The following NRCAM variants were observed in gnomAD, a reference collection of about 807,000 sequenced individuals.
NRCAM encodes the protein neuronal cell adhesion molecule, also known as NgCAM-related cell adhesion molecule.
Under a neutral mutation model 156.5 loss-of-function variants are expected in NRCAM, and 83 were observed. That is an observed-to-expected ratio of 0.53 (90% confidence interval 0.44 to 0.64). The LOEUF (loss-of-function observed/expected upper bound fraction) is 0.64, where lower values mean the gene tolerates loss of function less well. Ranked by LOEUF, NRCAM falls within the 30% of genes least tolerant of loss-of-function variation. The pLI, the probability that NRCAM is intolerant of heterozygous loss-of-function variation, is 0.00. For missense variants in NRCAM, 1,417 were observed against 1,597.3 expected (o/e 0.89, Z 1.92); for synonymous variants, 538 against 563.9 (o/e 0.95, Z 0.65).
intron 32 of NRCAM, among the ~76,000 whole-genome samples, chr7:108,158,941 G>C (rs1162231263): frequency 6.6e-6 from 1 of 152,138 alleles, no homozygotes; most frequent in Admixed American, 6.5e-5. Flanking sequence ...ACATTGCCTA[G>C]AGGGCTACGA....
intron 1 of NRCAM, among the ~76,000 whole-genome samples, chr7:108,454,863 G>A (rs1854748154): frequency 6.6e-6 from 1 of 152,214 alleles, no homozygotes; most frequent in Non-Finnish European, 1.5e-5. Flanking sequence ...TCTGGGACTC[G>A]GAAAGGAAAA....
In NRCAM at chr7:108,363,921, A is replaced by G. The variant is rs189993788; in HGVS notation, c.-174+35515T>C. 3.5e-3 allele frequency among the ~76,000 whole-genome samples: 540 copies of G among 152,322 alleles called. 1 individual carries two copies. Among genetic ancestry groups the G allele is most frequent in the Non-Finnish European group, 5.5e-3 (376 of 68,018 alleles). ...GCCAAGAGGATCCTAGGGAGACATA[A>G]CAAATAAAATGTAATATGGTATCCT... On this transcript the variant is annotated intron_variant, in intron 2 of 32. Transcript: ENST00000379028.
At chr7:108,332,911 A>G (rs1464815964) in intron 2 of NRCAM, among the ~76,000 whole-genome samples, 2 of 152,200 alleles carry the variant, frequency 1.3e-5, no homozygotes, top group Non-Finnish European at 2.9e-5. Context: ...AGGATGTAAC[A>G]AGAGATAGAA....
At chr7:108,208,485 G>A (rs370274097) in intron 12 of NRCAM, among the ~76,000 whole-genome samples, 9 of 152,132 alleles carry the variant, frequency 5.9e-5, no homozygotes, top group South Asian at 2.1e-4. Flanking sequence ...GTTACCTAAC[G>A]AAAAGTTAAC....
At chr7:108,334,986 C>A (rs185179902) in intron 2 of NRCAM, among the ~76,000 whole-genome samples, 5 of 152,008 alleles carry the variant, frequency 3.3e-5, no homozygotes, top group Non-Finnish European at 5.9e-5. Context: ...TTTGTTGAAC[C>A]CTTCTATCAC....
rs934293737 is a variant in NRCAM at position 108,184,727 on chromosome 7, T to C, written c.2036-113A>G. The C allele has an allele frequency of 2.6e-5, 21 of 792,692 alleles. No homozygotes were observed. In the African/African-American group the frequency reaches 3.1e-4, roughly 12 times the overall value. The allele number at this position is 792,692 out of a possible 1,614,324, so 49.1% of individuals were successfully genotyped here. On this transcript the variant is annotated intron_variant, in intron 20 of 32. Transcript: ENST00000379028. ...AACACAAGCAACCAAACATGAATTA[T>C]TTTACTTTCAAGAAAAATGCCATTA...
At chr7:108,446,243 A>C (rs909239610) in intron 1 of NRCAM, among the ~76,000 whole-genome samples, 4 of 152,202 alleles carry the variant, frequency 2.6e-5, no homozygotes, top group African/African-American at 9.7e-5. Flanking sequence ...CAATGATTTC[A>C]CCTGCTTGCT....
chr7:108,444,181 T>G (rs938304860), intron 1 of NRCAM, among the ~76,000 whole-genome samples: 1 of 152,216 alleles, frequency 6.6e-6, no homozygotes, highest in African/African-American at 2.4e-5. Context: ...GAGATGATTT[T>G]AAGTATATGG....
intron 32 of NRCAM, chr7:108,150,666 G>C (rs771245420): frequency 1.9e-6 from 1 of 521,174 alleles, no homozygotes; most frequent in Non-Finnish European, 3.9e-6. Context: ...TGTTATCAAT[G>C]CAGGCCAGAC....
intron 11 of NRCAM, among the ~76,000 whole-genome samples, chr7:108,212,569 A>C (rs2085211532): frequency 6.6e-6 from 1 of 152,208 alleles, no homozygotes; most frequent in Admixed American, 6.5e-5. Flanking sequence ...AAACTTCAGG[A>C]AACATTGGAC....
intron 2 of NRCAM, among the ~76,000 whole-genome samples, chr7:108,352,855 C>G (rs766655125): frequency 3.3e-5 from 5 of 152,088 alleles, no homozygotes; most frequent in African/African-American, 4.8e-5. Context: ...CCACAAATAG[C>G]TATAAAATAT....
At chr7:108,174,146 A>C (rs940923262) in intron 28 of NRCAM, among the ~76,000 whole-genome samples, 1 of 152,236 alleles carries the variant, frequency 6.6e-6, no homozygotes, top group Admixed American at 6.5e-5. Context: ...AAATAGAAGT[A>C]AGTTTACATC....
intron 7 of NRCAM, 84 bp from the exon 8 acceptor site, chr7:108,231,237 G>A: frequency 1.1e-6 from 1 of 919,572 alleles, no homozygotes; most frequent in South Asian, 1.9e-5. Context: ...GCAAACTGAA[G>A]TTTTGGAGAA....
chr7:108,418,443 C>G (rs1460863528), intron 1 of NRCAM, among the ~76,000 whole-genome samples: 1 of 152,096 alleles, frequency 6.6e-6, no homozygotes. Flanking sequence ...ATAGATGGGA[C>G]AAACGATGAC....
intron 2 of NRCAM, among the ~76,000 whole-genome samples, chr7:108,352,523 G>T (rs1313723177): frequency 6.6e-6 from 1 of 152,168 alleles, no homozygotes; most frequent in East Asian, 1.9e-4. Context: ...CTGTGTTTTT[G>T]TAAATTGATT....
chr7:108,228,429 A>G (rs995904474), intron 8 of NRCAM, among the ~76,000 whole-genome samples: 1 of 152,234 alleles, frequency 6.6e-6, no homozygotes, highest in Admixed American at 6.5e-5. Context: ...CAATAAAATA[A>G]TAAATTGAAG....
At chr7:108,200,883 G>C (rs1290979113) in intron 13 of NRCAM, among the ~76,000 whole-genome samples, 1 of 151,884 alleles carries the variant, frequency 6.6e-6, no homozygotes, top group Non-Finnish European at 1.5e-5. Flanking sequence ...AGTAACTCAG[G>C]AATGGAAAAC....
chr7:108,275,434 G>A (rs2097557455), intron 3 of NRCAM, among the ~76,000 whole-genome samples: 1 of 152,184 alleles, frequency 6.6e-6, no homozygotes, highest in South Asian at 2.1e-4. Flanking sequence ...GATCTATTCA[G>A]AGATTCAACT....
rs571650735 is a variant in NRCAM, at chr7:108,421,547, A to G, written c.-331-21954T>C. ...GAAGGAAAAGTATTATTCATGAAGTAGATATTAGAATCATTATTACTATTG... is the reference window on the plus strand; with the variant it reads ...GAAGGAAAAGTATTATTCATGAAGTGGATATTAGAATCATTATTACTATTG... On this transcript the variant is annotated intron_variant, in intron 1 of 32. Transcript: ENST00000379028. 2.0e-5 allele frequency among the ~76,000 whole-genome samples: 3 copies of G among 152,358 alleles called. No individual in the cohort carries two copies. In the South Asian group the frequency reaches 6.2e-4, roughly 32 times the overall value.
Sources: gnomAD v4.1 joint callset for allele counts (sites outside exome capture counted in the v4.1 genomes callset) on GRCh38, gnomAD v4.1.1 for gene constraint, MANE v1.5 for transcripts, NCBI Gene and HGNC (gene_info 2026-07-23, HGNC 2026-07-21) for gene names.